The following ARHGAP44 variants were observed in gnomAD, a reference collection of about 807,000 sequenced individuals.
ARHGAP44 encodes Rho GTPase activating protein 44, also known as rho GTPase-activating protein 44.
In ARHGAP44, 43 loss-of-function variants were observed where a neutral mutation model predicts 106.8. The ratio of observed to expected loss-of-function variants is 0.40; its 90% CI spans 0.32 to 0.52. The LOEUF is 0.52. Ranked by LOEUF, ARHGAP44 falls within the 20% of genes least tolerant of loss-of-function variation. The probability of loss-of-function intolerance (pLI) is 0.48; values close to 1 mark genes in which losing one functional copy is unlikely to be tolerated. For missense variants in ARHGAP44, 866 were observed against 1,050.5 expected, an observed-to-expected ratio of 0.82 and a Z score of 2.43; for synonymous variants, 439 against 410.3, an observed-to-expected ratio of 1.07 and a Z score of -0.85.
chr17:12,887,352 C>A (rs28482450), intron 1 of ARHGAP44, among the ~76,000 whole-genome samples: 1 of 152,008 alleles, frequency 6.6e-6, no homozygotes, highest in South Asian at 2.1e-4. Context: ...CCTCAGCCAC[C>A]CGAGTGGCTA....
chr17:12,813,467 G>A (rs143182129), intron 1 of ARHGAP44, among the ~76,000 whole-genome samples: 547 of 152,284 alleles, frequency 3.6e-3, no homozygotes, highest in African/African-American at 0.012. Flanking sequence ...TATATGTAAT[G>A]TAGGGTGCAA....
intron 1 of ARHGAP44, among the ~76,000 whole-genome samples, chr17:12,861,889 C>CT (rs1201518964): frequency 2.0e-5 from 3 of 152,056 alleles, no homozygotes; most frequent in Admixed American, 6.6e-5. Context: ...CTCGCCTCAG[C>CT]TTCCCAAAGT....
chr17:12,898,582 C>T (rs570757851), intron 3 of ARHGAP44, among the ~76,000 whole-genome samples: 8 of 152,326 alleles, frequency 5.3e-5, no homozygotes, highest in East Asian at 3.9e-4. Context: ...AGCTATGTGA[C>T]GCTTGGGCCT....
Position 12,808,401 on chromosome 17 carries a change from C to A in ARHGAP44, c.53+18510C>A, listed in dbSNP as rs374596028. 1.7e-3 allele frequency among the ~76,000 whole-genome samples: 265 copies of A among 152,370 alleles called. 1 individual carries two copies. Among genetic ancestry groups the A allele is most frequent in the African/African-American group, 6.2e-3 (257 of 41,588 alleles). On this transcript the variant is annotated intron_variant, in intron 1 of 20. Coordinates refer to ENST00000379672, the MANE Select transcript of ARHGAP44 (RefSeq NM_014859.6). Reference sequence around the variant, plus strand: ...CTCTGTGAATGCCCTGTCACTGCAGCAGACTTCTGCCTGGACATCCAAGCA... The same window carrying A: ...CTCTGTGAATGCCCTGTCACTGCAGAAGACTTCTGCCTGGACATCCAAGCA...
chr17:12,869,352 G>A (rs939049659), intron 1 of ARHGAP44, among the ~76,000 whole-genome samples: 3 of 152,066 alleles, frequency 2.0e-5, no homozygotes, highest in African/African-American at 4.8e-5. Context: ...ATTAAGATAA[G>A]CTATCTATAA....
intron 20 of ARHGAP44, chr17:12,987,043 C>T (rs1445562126): frequency 2.6e-5 from 25 of 946,324 alleles, no homozygotes; most frequent in South Asian, 1.7e-4. Context: ...TTTTTTGTGA[C>T]GTTCATGTTT....
At chr17:12,825,248 G>A (rs1263496963) in intron 1 of ARHGAP44, among the ~76,000 whole-genome samples, 1 of 151,988 alleles carries the variant, frequency 6.6e-6, no homozygotes, top group Non-Finnish European at 1.5e-5. Flanking sequence ...ATGTTGCCCA[G>A]GCTGGTCTCG....
intron 1 of ARHGAP44, among the ~76,000 whole-genome samples, chr17:12,843,567 A>T (rs2035480019): frequency 6.6e-6 from 1 of 150,926 alleles, no homozygotes; most frequent in Non-Finnish European, 1.5e-5. Context: ...TATGTCTAGT[A>T]ATTTTGGTTT....
At chr17:12,920,442 A>G (rs1164479419) in intron 6 of ARHGAP44, among the ~76,000 whole-genome samples, 3 of 151,916 alleles carry the variant, frequency 2.0e-5, no homozygotes, top group African/African-American at 7.3e-5. Context: ...AGGGAGCAAC[A>G]GCATTAAGGA....
intron 1 of ARHGAP44, among the ~76,000 whole-genome samples, chr17:12,874,679 C>T (rs1163728965): frequency 6.6e-6 from 1 of 151,340 alleles, no homozygotes; most frequent in Non-Finnish European, 1.5e-5. Flanking sequence ...TTGCAGTGAG[C>T]CAAGAGTGTG....
At chr17:12,901,111 A>T (rs529531823) in intron 3 of ARHGAP44, among the ~76,000 whole-genome samples, 1 of 152,020 alleles carries the variant, frequency 6.6e-6, no homozygotes, top group South Asian at 2.1e-4. Flanking sequence ...TTTAGTAGAG[A>T]CAGGGTTTCA....
intron 4 of ARHGAP44, among the ~76,000 whole-genome samples, chr17:12,910,990 A>C (rs563460172): frequency 1.4e-4 from 22 of 151,734 alleles, no homozygotes; most frequent in African/African-American, 5.3e-4. Flanking sequence ...AAACTAACAA[A>C]GGATGAAAAG....
chr17:12,983,197 G>A (rs1024542191), intron 19 of ARHGAP44, among the ~76,000 whole-genome samples: 16 of 149,696 alleles, frequency 1.1e-4, no homozygotes, highest in East Asian at 2.0e-4. Context: ...CCCGGGAGGC[G>A]GAGTTTGCAG....
chr17:12,986,857 T>C (rs962264931), intron 20 of ARHGAP44: 3 of 427,204 alleles, frequency 7.0e-6, no homozygotes, highest in African/African-American at 4.0e-5. Context: ...GTTTAAGAAC[T>C]CCTGACCTTC....
Position 12,862,047 on chromosome 17 carries a change from G to A in ARHGAP44, c.54-32893G>A, listed in dbSNP as rs183058642. 1.4e-3 allele frequency among the ~76,000 whole-genome samples: 212 copies of A among 152,258 alleles called. No individual in the cohort carries two copies. In the Middle Eastern group the frequency reaches 0.017, roughly 12 times the overall value. ...CCATCTTCAAAGTCTCCTTTGCCATGTAAGGTAACATATTCAGGGTGCTGG... is the reference window on the plus strand; with the variant it reads ...CCATCTTCAAAGTCTCCTTTGCCATATAAGGTAACATATTCAGGGTGCTGG... On this transcript the variant is annotated intron_variant, in intron 1 of 20. Transcript: ENST00000379672.
intron 1 of ARHGAP44, among the ~76,000 whole-genome samples, chr17:12,831,551 T>C (rs1441849930): frequency 2.6e-5 from 4 of 152,112 alleles, no homozygotes; most frequent in Non-Finnish European, 4.4e-5. Flanking sequence ...GCTTGGTCAG[T>C]GTAGATGCTG....
intron 16 of ARHGAP44, among the ~76,000 whole-genome samples, chr17:12,970,978 A>G (rs1598141290): frequency 3.9e-5 from 6 of 152,314 alleles, no homozygotes; most frequent in Admixed American, 3.9e-4. Flanking sequence ...GTTGTGATTG[A>G]TTTACTGTGT....
chr17:12,834,663 AC>A (rs1415010162), intron 1 of ARHGAP44, among the ~76,000 whole-genome samples: 2 of 152,234 alleles, frequency 1.3e-5, no homozygotes, highest in Admixed American at 6.5e-5. Context: ...AACAACATAA[AC>A]CAAAAACATA....
In ARHGAP44 at chr17:12,958,949, G is replaced by T; in HGVS notation, c.1523+52G>T. On this transcript the variant is annotated intron_variant, in intron 16 of 20. Coordinates refer to ENST00000379672, the MANE Select transcript of ARHGAP44 (RefSeq NM_014859.6). The surrounding 1 kb of genome is among the most constrained non-coding windows in gnomAD (Gnocchi z 4.1). ...ACTGGGGATTAGGGGAGGTGGTGGG[G>T]GTGGATGGGTGACGCATAAGAAAAA... is the stretch of plus-strand genomic sequence containing the variant. The T allele has an allele frequency of 1.9e-6, 3 of 1,553,786 alleles. No homozygotes were observed. Among genetic ancestry groups the T allele is most frequent in the Non-Finnish European group, 2.6e-6 (3 of 1,144,628 alleles).
Sources: allele counts gnomAD v4.1 joint callset (sites outside exome capture counted in the v4.1 genomes callset), GRCh38; gene constraint gnomAD v4.1.1; non-coding constraint Gnocchi (gnomAD v3.1); transcripts MANE v1.5; gene names NCBI Gene and HGNC (gene_info 2026-07-23, HGNC 2026-07-21).